The following CHST13 variants were observed in gnomAD, a reference collection of about 807,000 sequenced individuals.
CHST13 encodes the protein C4ST-3.
CHST13 carries 1 observed loss-of-function variant against 7.0 expected under a neutral mutation model. The observed-to-expected ratio is 0.14, with a 90% CI of 0.05 to 0.68. The LOEUF is 0.68. Among genes scored for constraint, CHST13 ranks in the 30% least tolerant of loss-of-function variants. The pLI, the probability that CHST13 is intolerant of heterozygous loss-of-function variation, is 0.82. For synonymous variants in CHST13, 257 were observed against 240.9 expected, an observed-to-expected ratio of 1.07 and a Z score of -0.62; for missense variants, 572 against 507.9, an observed-to-expected ratio of 1.13 and a Z score of -1.21.
intron 1 of CHST13, 103 bp downstream of exon 1, chr3:126,524,532 T>C (rs1266091479): frequency 2.6e-6 from 1 of 386,884 alleles, no homozygotes; most frequent in Non-Finnish European, 4.4e-6. Flanking sequence ...ACCTGTTGTC[T>C]CCTTCCTGGC....
intron 2 of CHST13, among the ~76,000 whole-genome samples, chr3:126,538,839 C>T (rs1391179602): frequency 6.6e-6 from 1 of 152,132 alleles, no homozygotes. Context: ...AGCATGATGT[C>T]CTCAGGGTTC....
rs779610571 is a variant in CHST13 at position 126,541,971 on chromosome 3, C to T, written c.419C>T (p.Ala140Val). The stretch of plus-strand genomic sequence containing the variant: ...CGCGGCGACCCGCGCGCCATCTCCG[C>T]GCAAGAGGCGCACGCGCCTGGCCGC... ...QARGDPRAISAQEAHAPGRLP... is the reference protein window; with the variant it reads ...QARGDPRAISVQEAHAPGRLP... Residue 140 changes from alanine to valine, a missense_variant, in exon 3 of 3, where the codon GCG becomes GTG. Transcript: ENST00000319340. 1.3e-6 allele frequency: 2 copies of T among 1,578,306 alleles called. No individual in the cohort carries two copies. Among genetic ancestry groups the T allele is most frequent in the South Asian group, 2.3e-5 (2 of 87,396 alleles).
intron 1 of CHST13, among the ~76,000 whole-genome samples, chr3:126,528,803 T>C (rs752462953): frequency 6.6e-6 from 1 of 152,112 alleles, no homozygotes; most frequent in Non-Finnish European, 1.5e-5. Context: ...CTAAACAGAA[T>C]TGCTTATAAT....
intron 2 of CHST13, among the ~76,000 whole-genome samples, 178 bp from the exon 3 acceptor site, chr3:126,541,555 G>A (rs1325860925): frequency 6.6e-6 from 1 of 152,198 alleles, no homozygotes; most frequent in Non-Finnish European, 1.5e-5. Context: ...CTCGGCCCAG[G>A]ACAGATGCCC....
At chr3:126,534,334 T>C (rs1936717650) in intron 1 of CHST13, among the ~76,000 whole-genome samples, 4 of 152,260 alleles carry the variant, frequency 2.6e-5, no homozygotes, top group Admixed American at 2.0e-4. Flanking sequence ...AATACATTTA[T>C]AGGTAAACGG....
chr3:126,541,474 G>GC (rs1936954903), intron 2 of CHST13, among the ~76,000 whole-genome samples: 1 of 152,174 alleles, frequency 6.6e-6, no homozygotes, highest in Non-Finnish European at 1.5e-5. Flanking sequence ...TCCTCTGAGT[G>GC]CCCCACGGCA....
intron 2 of CHST13, among the ~76,000 whole-genome samples, chr3:126,539,559 GCA>G (rs1033518913): frequency 1.1e-3 from 76 of 68,024 alleles, no homozygotes; most frequent in Admixed American, 1.8e-3. Flanking sequence ...CACACACACT[GCA>G]CACACACACA....
intron 1 of CHST13, among the ~76,000 whole-genome samples, chr3:126,532,045 T>C (rs1936671481): frequency 6.6e-6 from 1 of 152,250 alleles, no homozygotes; most frequent in Non-Finnish European, 1.5e-5. Context: ...CCTTTTCATG[T>C]GCTTATTGCT....
chr3:126,542,494 C>G lies in CHST13; in HGVS notation c.942C>G (p.Phe314Leu). 3 of 1,581,004 alleles carry G rather than the reference C, an allele frequency of 1.9e-6. No individual in the cohort carries two copies. Among genetic ancestry groups the G allele is most frequent in the Non-Finnish European group, 1.7e-6 (2 of 1,167,638 alleles). The change falls in exon 3 of 3, where the codon TTC becomes TTG. Residue 314 changes from phenylalanine (F) to leucine (L), a missense_variant. By Grantham distance (22) the Phe-to-Leu change is conservative. Transcript: ENST00000319340. ...GCCTCTTCCGGGACATCAGCCCCTTCTACCAGCGGCGCCTCTTCGACCTCT... is the reference window on the plus strand; with the variant it reads ...GCCTCTTCCGGGACATCAGCCCCTTGTACCAGCGGCGCCTCTTCGACCTCT... ...AARLFRDISP[F>L]YQRRLFDLYK...
Position 126,542,078 on chromosome 3 carries a change from C to T in CHST13, c.526C>T (p.Pro176Ser). ...CTTGGCCTTCCTGTTCGTGCGGGAGCCCTTCGAGCGCCTGGCATCGGCTTA... is the reference window on the plus strand; with the variant it reads ...CTTGGCCTTCCTGTTCGTGCGGGAGTCCTTCGAGCGCCTGGCATCGGCTTA... ...AYLAFLFVRE[P>S]FERLASAYRN... The change falls in exon 3 of 3, where the codon CCC becomes TCC. Residue 176 changes from proline to serine, a missense_variant. Coordinates refer to ENST00000319340, the MANE Select transcript of CHST13 (RefSeq NM_152889.3). 1 of 1,584,230 alleles carries T rather than the reference C, an allele frequency of 6.3e-7. No homozygotes were observed. The highest frequency in any genetic ancestry group is 8.5e-7 in the Non-Finnish European group (1 of 1,169,624).
chr3:126,541,700 G>T, intron 2 of CHST13, 33 bp from the exon 3 acceptor site: 1 of 1,412,190 alleles, frequency 7.1e-7, no homozygotes, highest in South Asian at 1.5e-5. Context: ...CTGCCCTGAC[G>T]CGTCCCCCTG....
At position 126,537,110 on chromosome 3, in the gene CHST13, C is replaced by G. The variant is rs546563382; in HGVS notation, c.180+757C>G. ...ACACTAATACTTAACTAATTCTGCT[C>G]TAAAGGGGAGTATGAGGTGCAACAA... On this transcript the variant is annotated intron_variant, in intron 2 of 2. Coordinates refer to ENST00000319340, the MANE Select transcript of CHST13 (RefSeq NM_152889.3). 1.1e-3 allele frequency among the ~76,000 whole-genome samples: 170 copies of G among 152,278 alleles called. No homozygotes were observed. In the Middle Eastern group the frequency reaches 0.041, roughly 37 times the overall value.
intron 2 of CHST13, among the ~76,000 whole-genome samples, chr3:126,539,036 G>T (rs751865052): frequency 2.6e-5 from 4 of 152,120 alleles, no homozygotes; most frequent in South Asian, 4.1e-4. Flanking sequence ...CTGCTTTGCC[G>T]TGTGCTTACA....
At chr3:126,532,349 A>G (rs1936676885) in intron 1 of CHST13, among the ~76,000 whole-genome samples, 2 of 152,214 alleles carry the variant, frequency 1.3e-5, no homozygotes, top group South Asian at 4.1e-4. Flanking sequence ...CACCTAATCC[A>G]AGGTCATGGA....
At position 126,542,242 on chromosome 3, in the gene CHST13, C is replaced by T. The variant is rs777844654; in HGVS notation, c.690C>T (p.Ala230=). The change falls in exon 3 of 3, where the codon GCC becomes GCT. Residue 230 remains alanine, a synonymous_variant. Coordinates refer to ENST00000319340, the MANE Select transcript of CHST13 (RefSeq NM_152889.3). ...ACGTGCGCTTCGCGGAGTTCCTGGC[C>T]TACCTGCTGGACCCGCGCACGCGGC... ...GHDVRFAEFL[A]YLLDPRTRRE... The T allele has an allele frequency of 1.7e-5, 26 of 1,531,238 alleles. No homozygotes were observed. Among genetic ancestry groups the T allele is most frequent in the Non-Finnish European group, 2.1e-5 (24 of 1,146,566 alleles). The allele number at this position is 1,531,238 out of a possible 1,614,324, so 94.9% of individuals were successfully genotyped here.
chr3:126,526,624 G>T (rs1372446497), intron 1 of CHST13, among the ~76,000 whole-genome samples: 2 of 152,216 alleles, frequency 1.3e-5, no homozygotes, highest in Non-Finnish European at 2.9e-5. Context: ...CTACCCCAGG[G>T]AGCTCAGAGA....
intron 1 of CHST13, among the ~76,000 whole-genome samples, chr3:126,533,665 C>T (rs1936705495): frequency 2.6e-5 from 4 of 152,112 alleles, no homozygotes; most frequent in Admixed American, 2.6e-4. Context: ...TCATAAGGGA[C>T]ATGGCTCTGT....
chr3:126,541,867 T>C lies in CHST13; in HGVS notation c.315T>C (p.His105=). 1.9e-6 allele frequency: 3 copies of C among 1,595,710 alleles called. No homozygotes were observed. Among genetic ancestry groups the C allele is most frequent in the African/African-American group, 1.4e-5 (1 of 74,062 alleles). The part of the protein sequence containing the change: ...DLRHVLVDDA[H]GLLYCYVPKV... ...GGCACGTGCTGGTGGACGACGCGCA[T>C]GGCCTGCTCTACTGCTACGTGCCCA... The change falls in exon 3 of 3, where the codon CAT becomes CAC. Residue 105 remains histidine (H), a synonymous_variant. Coordinates refer to ENST00000319340, the MANE Select transcript of CHST13 (RefSeq NM_152889.3).
chr3:126,530,589 G>A (rs1936637022), intron 1 of CHST13, among the ~76,000 whole-genome samples: 1 of 152,244 alleles, frequency 6.6e-6, no homozygotes, highest in Non-Finnish European at 1.5e-5. Context: ...CTCCTCTCAT[G>A]GGTTGCCTGG....
Sources: gnomAD v4.1 joint callset for allele counts (sites outside exome capture counted in the v4.1 genomes callset) on GRCh38, gnomAD v4.1.1 for gene constraint, MANE v1.5 for transcripts, NCBI Gene and HGNC (gene_info 2026-07-23, HGNC 2026-07-21) for gene names.